RUNX1: variants seen among roughly 807,000 people sequenced by gnomAD.
RUNX1 encodes the protein RUNX family transcription factor 1, also known as runt-related transcription factor 1.
In RUNX1, 19 loss-of-function variants were observed where a neutral mutation model predicts 42.8. The observed-to-expected ratio is 0.44, with a 90% CI of 0.31 to 0.65. The LOEUF is 0.65. Among genes scored for constraint, RUNX1 ranks in the 30% least tolerant of loss-of-function variants. The probability of loss-of-function intolerance (pLI) is 0.07; values close to 1 mark genes in which losing one functional copy is unlikely to be tolerated. For synonymous variants in RUNX1, 271 were observed against 289.4 expected (o/e 0.94, Z 0.64); for missense variants, 528 against 672.0 (o/e 0.79, Z 2.37).
At chr21:34,982,063 G>A (rs909572831) in intron 2 of RUNX1, among the ~76,000 whole-genome samples, 9 of 152,190 alleles carry the variant, frequency 5.9e-5, no homozygotes, top group Non-Finnish European at 1.3e-4. Flanking sequence ...AATGCTGGAG[G>A]AGCCGTACAG....
At chr21:34,836,076 C>T (rs183677428) in intron 6 of RUNX1, among the ~76,000 whole-genome samples, 3 of 152,312 alleles carry the variant, frequency 2.0e-5, no homozygotes, top group South Asian at 2.1e-4. Flanking sequence ...TTATCATTAA[C>T]GAGACCTGTT....
intron 4 of RUNX1, among the ~76,000 whole-genome samples, chr21:34,884,312 A>G (rs2057948726): frequency 6.6e-6 from 1 of 152,216 alleles, no homozygotes; most frequent in South Asian, 2.1e-4. Flanking sequence ...ATCTCTCTTT[A>G]GTTCAGAAGA....
chr21:34,811,675 T>C (rs999186978), intron 7 of RUNX1, among the ~76,000 whole-genome samples: 3 of 152,158 alleles, frequency 2.0e-5, no homozygotes, highest in Admixed American at 6.5e-5. Context: ...TATTCCCCCC[T>C]CTGATATGCT....
At chr21:34,849,267 T>TAAAA (rs199827972) in intron 6 of RUNX1, among the ~76,000 whole-genome samples, 1 of 70,572 alleles carries the variant, frequency 1.4e-5, no homozygotes. Flanking sequence ...TATATATATA[T>TAAAA]AATATATATA....
At chr21:34,810,233 T>G (rs965988976) in intron 7 of RUNX1, among the ~76,000 whole-genome samples, 1 of 152,254 alleles carries the variant, frequency 6.6e-6, no homozygotes, top group African/African-American at 2.4e-5. Context: ...GTTTGAAAAA[T>G]TCTAGAGTGG....
At chr21:35,002,974 A>G (rs551127111) in intron 2 of RUNX1, among the ~76,000 whole-genome samples, 3 of 152,296 alleles carry the variant, frequency 2.0e-5, no homozygotes, top group East Asian at 3.9e-4. Context: ...TTCGCCTCAC[A>G]TTTTCCTTAA....
intron 2 of RUNX1, among the ~76,000 whole-genome samples, chr21:34,914,650 T>A (rs1380544579): frequency 2.6e-5 from 4 of 152,186 alleles, no homozygotes; most frequent in African/African-American, 9.7e-5. Context: ...CACTTGGAGC[T>A]AGTGCCTGCA....
intron 6 of RUNX1, among the ~76,000 whole-genome samples, chr21:34,842,350 C>T (rs1157804280): frequency 6.6e-6 from 1 of 151,696 alleles, no homozygotes; most frequent in Non-Finnish European, 1.5e-5. Flanking sequence ...AAAAAATTAG[C>T]CAAGCATGGT....
chr21:34,834,139 A>G (rs1355105661), intron 7 of RUNX1: 1 of 677,710 alleles, frequency 1.5e-6, no homozygotes, highest in Admixed American at 2.0e-5. Context: ...ATGGATATCC[A>G]TACCCAGAGC....
At position 35,049,239 on chromosome 21, in the gene RUNX1, A is replaced by G. The variant is rs1031606324; in HGVS notation, c.-131T>C. On this transcript the variant is annotated 5_prime_UTR_variant, in exon 1 of 9. Coordinates refer to ENST00000675419, the MANE Select transcript of RUNX1 (RefSeq NM_001754.5). ...CTGCTGACCACTATGCTGGGTTCAG[A>G]CTTCTGACACTGCCAGGCTACCCAA... 3 of 301,648 alleles carry G rather than the reference A, an allele frequency of 9.9e-6. No homozygotes were observed. Among genetic ancestry groups the G allele is most frequent in the Admixed American group, 4.8e-5 (1 of 20,972 alleles). The allele number at this position is 301,648 out of a possible 1,614,324, so 18.7% of individuals were successfully genotyped here. A position where few individuals can be genotyped will look rare whatever the true frequency, so the allele number is the denominator to read the frequency against.
chr21:34,819,369 C>T (rs2056876224), intron 7 of RUNX1, among the ~76,000 whole-genome samples: 1 of 152,220 alleles, frequency 6.6e-6, no homozygotes, highest in South Asian at 2.1e-4. Flanking sequence ...GATGACAGGT[C>T]TGCACTGCTA....
chr21:34,889,767 GGTCCGGC>G, intron 3 of RUNX1: 1 of 1,152,064 alleles, frequency 8.7e-7, no homozygotes, highest in Non-Finnish European at 1.1e-6. Context: ...CCCCGCCCCC[GGTCCGGC>G]GTGCGCTGCC....
chr21:34,856,327 G>C, intron 6 of RUNX1: 3 of 518,558 alleles, frequency 5.8e-6, no homozygotes, highest in South Asian at 4.2e-5. Context: ...CACCTGCAAT[G>C]AGGCACTACC....
chr21:34,840,693 G>A (rs183528834), intron 6 of RUNX1, among the ~76,000 whole-genome samples: 31 of 152,232 alleles, frequency 2.0e-4, no homozygotes, highest in African/African-American at 6.5e-4. Context: ...CCACCAGGTC[G>A]CCCAGCCTGC....
At chr21:34,897,048 T>G (rs2058136420) in intron 2 of RUNX1, among the ~76,000 whole-genome samples, 1 of 152,204 alleles carries the variant, frequency 6.6e-6, no homozygotes, top group Non-Finnish European at 1.5e-5. Context: ...GTTTGCCATG[T>G]GTATTTTACT....
chr21:34,926,839 C>T (rs1001498143), intron 2 of RUNX1, among the ~76,000 whole-genome samples: 16 of 129,842 alleles, frequency 1.2e-4, no homozygotes, highest in African/African-American at 4.3e-4. Context: ...CAGACATTCC[C>T]TAAAGACATC....
intron 2 of RUNX1, among the ~76,000 whole-genome samples, chr21:34,974,070 C>G (rs1175304978): frequency 6.6e-6 from 1 of 152,146 alleles, no homozygotes; most frequent in Non-Finnish European, 1.5e-5. Context: ...CTCCTCCCAC[C>G]CCTTCATAAA....
rs1389143422 is a variant in RUNX1, at chr21:34,945,142, C to G, written c.59-52179G>C. On this transcript the variant is annotated intron_variant, in intron 2 of 8. Coordinates refer to ENST00000675419, the MANE Select transcript of RUNX1 (RefSeq NM_001754.5). ...GAGTATCTGTGATGTGCCAGCCATA[C>G]AGTGGTAAACATTTATTGATCACTT... Among the ~76,000 whole-genome samples the G allele has an allele frequency of 2.6e-5, 4 of 152,168 alleles. No individual in the cohort carries two copies. In the East Asian group the frequency reaches 7.7e-4, roughly 29 times the overall value.
intron 2 of RUNX1, among the ~76,000 whole-genome samples, chr21:35,023,334 AG>A (rs2059213097): frequency 6.6e-6 from 1 of 152,224 alleles, no homozygotes; most frequent in Admixed American, 6.5e-5. Flanking sequence ...TTAACAATCA[AG>A]TCTTGTGAGA....
Sources: allele counts gnomAD v4.1 joint callset (sites outside exome capture counted in the v4.1 genomes callset), GRCh38; gene constraint gnomAD v4.1.1; transcripts MANE v1.5; gene names NCBI Gene and HGNC (gene_info 2026-07-23, HGNC 2026-07-21).